Variants in RASAL2 observed in about 807,000 individuals in gnomAD.
The protein encoded by RASAL2 is RAS protein activator like 2.
A neutral mutation model predicts 128.9 loss-of-function variants in RASAL2; 58 were observed. That is an observed-to-expected ratio of 0.45 (90% confidence interval 0.36 to 0.56). RASAL2 has a LOEUF of 0.56. Ranked by LOEUF, RASAL2 falls within the 20% of genes least tolerant of loss-of-function variation. The probability of loss-of-function intolerance (pLI) is 0.00; values close to 1 mark genes in which losing one functional copy is unlikely to be tolerated. For missense variants in RASAL2, 1,360 were observed against 1,601.6 expected, an observed-to-expected ratio of 0.85 and a Z score of 2.57; for synonymous variants, 561 against 580.8, an observed-to-expected ratio of 0.97 and a Z score of 0.49.
intron 3 of RASAL2, among the ~76,000 whole-genome samples, chr1:178,330,267 T>C (rs1557906403): frequency 6.6e-6 from 1 of 152,192 alleles, no homozygotes; most frequent in Non-Finnish European, 1.5e-5. Flanking sequence ...ACATAAGTAA[T>C]GTATTATTTT....
chr1:178,229,843 T>TA (rs1663930592), intron 1 of RASAL2, among the ~76,000 whole-genome samples: 1 of 152,176 alleles, frequency 6.6e-6, no homozygotes, highest in South Asian at 2.1e-4. Context: ...TGGTAAACCT[T>TA]AAGGGAACAT....
chr1:178,345,851 T>A (rs1049358062), intron 3 of RASAL2, among the ~76,000 whole-genome samples: 1 of 152,228 alleles, frequency 6.6e-6, no homozygotes, highest in African/African-American at 2.4e-5. Flanking sequence ...GATAAGTCTA[T>A]TAACAGGGAA....
At chr1:178,099,459 G>T (rs1280723076) in intron 1 of RASAL2, among the ~76,000 whole-genome samples, 2 of 152,080 alleles carry the variant, frequency 1.3e-5, no homozygotes, top group African/African-American at 4.8e-5. Context: ...GAGAAAATTT[G>T]TATGTCTTAT....
rs925668304 is a variant in RASAL2 at position 178,477,742 on chromosome 1, T to C, written c.*4503T>C. ...TTATCGAGCAGTGATTCCCAAACTT[T>C]GAGATTTTCAGATTTTATGCTCTCG... On this transcript the variant is annotated 3_prime_UTR_variant, in exon 18 of 18. Coordinates refer to ENST00000367649, the MANE Select transcript of RASAL2 (RefSeq NM_170692.4). 1 of 152,186 alleles carries C rather than the reference T, an allele frequency of 6.6e-6. No homozygotes were observed. The highest frequency in any genetic ancestry group is 2.4e-5 in the African/African-American group (1 of 41,438). 9.4% of individuals were successfully genotyped at this position (152,186 alleles called of 1,614,324 possible). A position where few individuals can be genotyped will look rare whatever the true frequency, so the allele number is the denominator to read the frequency against.
chr1:178,415,146 A>G (rs1376707717), intron 4 of RASAL2, among the ~76,000 whole-genome samples: 2 of 152,074 alleles, frequency 1.3e-5, no homozygotes, highest in Middle Eastern at 3.4e-3. Flanking sequence ...GTTTTCTAAG[A>G]TAGACACTTA....
chr1:178,136,136 T>C (rs983656639), intron 1 of RASAL2, among the ~76,000 whole-genome samples: 2 of 152,224 alleles, frequency 1.3e-5, no homozygotes, highest in African/African-American at 2.4e-5. Context: ...GAATATGAAA[T>C]TAATTATCCA....
chr1:178,202,852 A>C (rs1662919053), intron 1 of RASAL2, among the ~76,000 whole-genome samples: 1 of 152,184 alleles, frequency 6.6e-6, no homozygotes, highest in African/African-American at 2.4e-5. Flanking sequence ...GTCATTGCCC[A>C]ATGGGCCCAT....
Position 178,094,539 on chromosome 1 carries a change from G to T in RASAL2, c.47G>T (p.Trp16Leu). Residue 16 changes from tryptophan to leucine, a missense_variant, in exon 1 of 18, where the codon TGG (tryptophan) becomes TTG (leucine). This residue lies in a region of RASAL2 where 617 missense variants were observed against 714.2 expected (regional missense o/e 0.86). Coordinates refer to ENST00000367649, the MANE Select transcript of RASAL2 (RefSeq NM_170692.4). ...SSGGAAEALS[W>L]PEMFPALESD... The stretch of plus-strand genomic sequence containing the variant: ...GGAGGAGCCGCGGAGGCGCTGTCCT[G>T]GCCGGAGATGTTCCCGGCGCTGGAG... The T allele has an allele frequency of 6.3e-7, 1 of 1,583,592 alleles. No individual in the cohort carries two copies. Among genetic ancestry groups the T allele is most frequent in the Non-Finnish European group, 8.6e-7 (1 of 1,165,450 alleles).
intron 3 of RASAL2, among the ~76,000 whole-genome samples, chr1:178,337,656 A>T (rs1198875130): frequency 6.6e-6 from 1 of 152,118 alleles, no homozygotes; most frequent in East Asian, 1.9e-4. Context: ...TTCTGCTTGG[A>T]AGAGGAGAAC....
At chr1:178,140,628 C>T (rs1660490893) in intron 1 of RASAL2, among the ~76,000 whole-genome samples, 1 of 152,104 alleles carries the variant, frequency 6.6e-6, no homozygotes, top group South Asian at 2.1e-4. Context: ...AAGTTTCCTC[C>T]ATGACTTTTT....
chr1:178,436,539 G>A (rs1481267697), intron 5 of RASAL2, among the ~76,000 whole-genome samples: 2 of 151,972 alleles, frequency 1.3e-5, no homozygotes, highest in African/African-American at 2.4e-5. Flanking sequence ...ATGTAAGCCA[G>A]GTAAGTTTCA....
At chr1:178,200,325 C>T (rs188201040) in intron 1 of RASAL2, among the ~76,000 whole-genome samples, 391 of 152,218 alleles carry the variant, frequency 2.6e-3, no homozygotes, top group Middle Eastern at 6.8e-3. Flanking sequence ...TAGTCCTTGG[C>T]GTGAACTGTT....
Position 178,300,127 on chromosome 1 carries a change from C to A in RASAL2, c.457+9C>A. ...GGGCGCCACTAAACTGGGTAAGCTA[C>A]TATGAAAAGGAAATAAATTCCTAGC... On this transcript the variant is annotated intron_variant, in intron 3 of 17. Transcript: ENST00000367649. 1 of 1,600,122 alleles carries A rather than the reference C, an allele frequency of 6.2e-7. No homozygotes were observed. Among genetic ancestry groups the A allele is most frequent in the Non-Finnish European group, 8.5e-7 (1 of 1,175,456 alleles).
chr1:178,184,529 T>G (rs1662224106), intron 1 of RASAL2, among the ~76,000 whole-genome samples: 1 of 152,120 alleles, frequency 6.6e-6, no homozygotes, highest in Non-Finnish European at 1.5e-5. Context: ...TTTAGGTTCA[T>G]AGTTTTACAT....
intron 3 of RASAL2, among the ~76,000 whole-genome samples, chr1:178,352,848 G>A (rs1009540495): frequency 3.9e-5 from 6 of 152,252 alleles, no homozygotes; most frequent in East Asian, 1.9e-4. Flanking sequence ...CTTTCAGCTT[G>A]TACTGTCTGA....
intron 3 of RASAL2, among the ~76,000 whole-genome samples, chr1:178,327,444 C>T (rs1669089677): frequency 6.6e-6 from 1 of 152,128 alleles, no homozygotes; most frequent in Admixed American, 6.6e-5. Flanking sequence ...CTCTTGAGTT[C>T]AAGCAATCCT....
intron 3 of RASAL2, among the ~76,000 whole-genome samples, chr1:178,374,583 C>G (rs549933852): frequency 1.3e-5 from 2 of 152,218 alleles, no homozygotes; most frequent in Non-Finnish European, 2.9e-5. Flanking sequence ...TACAACTGTG[C>G]ACTGTTATTA....
chr1:178,277,305 C>T (rs868095543), intron 1 of RASAL2, among the ~76,000 whole-genome samples: 27 of 152,132 alleles, frequency 1.8e-4, no homozygotes, highest in African/African-American at 5.8e-4. Context: ...ACTACAGGCA[C>T]GCACCACCAT....
At position 178,467,434 on chromosome 1, in the gene RASAL2, T is replaced by C. The variant is rs751333087; in HGVS notation, c.3678+13T>C. 38 of 1,607,478 alleles carry C rather than the reference T, an allele frequency of 2.4e-5. No individual in the cohort carries two copies. The highest frequency in any genetic ancestry group is 3.2e-5 in the Non-Finnish European group (37 of 1,174,120). On this transcript the variant is annotated intron_variant, in intron 17 of 17. Coordinates refer to ENST00000367649, the MANE Select transcript of RASAL2 (RefSeq NM_170692.4). ...AATTGATGCACAGGTAAGCAGGCTTTGAATCTAATAGAAGGCACTTGTTTA... is the reference window on the plus strand; with the variant it reads ...AATTGATGCACAGGTAAGCAGGCTTCGAATCTAATAGAAGGCACTTGTTTA...
Sources: gnomAD v4.1 joint callset for allele counts (sites outside exome capture counted in the v4.1 genomes callset) on GRCh38, gnomAD v4.1.1 for gene constraint, gnomAD v4.1.1 regional missense constraint, MANE v1.5 for transcripts, NCBI Gene and HGNC (gene_info 2026-07-23, HGNC 2026-07-21) for gene names.